Variants in OPRM1 observed in about 807,000 individuals in gnomAD.
OPRM1 encodes mu-type opioid receptor.
OPRM1 carries 27 observed loss-of-function variants against 31.8 expected under a neutral mutation model. That is an observed-to-expected ratio of 0.85 (90% CI 0.63 to 1.17). OPRM1 has a LOEUF of 1.17. OPRM1 is among the 50% of genes most tolerant of loss of function. OPRM1 has a pLI of 0.00. For missense variants in OPRM1, 536 were observed against 511.1 expected (o/e 1.05, Z -0.47); for synonymous variants, 196 against 189.9 (o/e 1.03, Z -0.26).
At chr6:154,048,090 G>A (rs114053273) in intron 1 of OPRM1, among the ~76,000 whole-genome samples, 3,046 of 152,230 alleles carry the variant, frequency 0.02, 107 homozygotes, top group African/African-American at 0.067. Context: ...CTGGGGAATA[G>A]GTTTTCAACA....
intron 1 of OPRM1, among the ~76,000 whole-genome samples, chr6:154,026,035 T>C (rs1355802497): frequency 6.6e-6 from 1 of 152,126 alleles, no homozygotes; most frequent in Non-Finnish European, 1.5e-5. Context: ...CACCAGTGAG[T>C]TTTGTACCTT....
At chr6:154,139,999 A>C (rs1798155551) in intron 3 of OPRM1, among the ~76,000 whole-genome samples, 1 of 152,210 alleles carries the variant, frequency 6.6e-6, no homozygotes, top group African/African-American at 2.4e-5. Context: ...TTGAGGAAGC[A>C]ACCATCCCAT....
At chr6:154,103,080 T>C (rs1583559084) in intron 3 of OPRM1, among the ~76,000 whole-genome samples, 1 of 152,260 alleles carries the variant, frequency 6.6e-6, no homozygotes, top group East Asian at 1.9e-4. Flanking sequence ...AAGATATTGT[T>C]AGAGAACCCC....
intron 3 of OPRM1, among the ~76,000 whole-genome samples, chr6:154,170,163 C>T (rs1799759241): frequency 1.3e-5 from 2 of 152,176 alleles, no homozygotes; most frequent in African/African-American, 4.8e-5. Flanking sequence ...TCACTAAGAA[C>T]GTTAGTCTAT....
At chr6:154,094,556 C>A (rs1463350774) in intron 3 of OPRM1, among the ~76,000 whole-genome samples, 1 of 152,162 alleles carries the variant, frequency 6.6e-6, no homozygotes, top group South Asian at 2.1e-4. Context: ...GCCCGATGGG[C>A]GGGTGGTCAG....
At chr6:154,053,047 C>A (rs778128304) in intron 1 of OPRM1, among the ~76,000 whole-genome samples, 1 of 152,162 alleles carries the variant, frequency 6.6e-6, no homozygotes, top group Non-Finnish European at 1.5e-5. Flanking sequence ...CATATCTAAC[C>A]CCCAACCCTT....
intron 3 of OPRM1, among the ~76,000 whole-genome samples, chr6:154,243,593 A>C (rs186614785): frequency 1.8e-3 from 280 of 152,308 alleles, no homozygotes; most frequent in African/African-American, 6.4e-3. Flanking sequence ...TGACAATGAG[A>C]TCACATGTAA....
At chr6:154,022,759 T>A (rs1778453090) in intron 1 of OPRM1, among the ~76,000 whole-genome samples, 1 of 152,248 alleles carries the variant, frequency 6.6e-6, no homozygotes, top group South Asian at 2.1e-4. Context: ...GTTTCATTCT[T>A]CTGCATATGG....
chr6:154,085,643 G>T (rs1790352764), intron 1 of OPRM1, among the ~76,000 whole-genome samples: 1 of 152,168 alleles, frequency 6.6e-6, no homozygotes, highest in Admixed American at 6.5e-5. Flanking sequence ...TCACAGCACA[G>T]TACAAAGCAG....
intron 3 of OPRM1, among the ~76,000 whole-genome samples, chr6:154,225,577 C>T (rs1280750328): frequency 6.6e-6 from 1 of 152,134 alleles, no homozygotes; most frequent in Non-Finnish European, 1.5e-5. Context: ...TTGGTAGCTA[C>T]CAGGGTCCCA....
At chr6:154,149,627 T>C (rs1270341651) in intron 3 of OPRM1, among the ~76,000 whole-genome samples, 4 of 145,354 alleles carry the variant, frequency 2.8e-5, no homozygotes, top group Non-Finnish European at 6.1e-5. Context: ...TGTGCGCGCG[T>C]GTGTGTGTAG....
intron 3 of OPRM1, among the ~76,000 whole-genome samples, chr6:154,137,578 A>G (rs930328962): frequency 6.6e-6 from 1 of 152,212 alleles, no homozygotes; most frequent in Non-Finnish European, 1.5e-5. Context: ...ATTTTAAGAG[A>G]TTCAAAAAGA....
chr6:154,182,812 G>A (rs537733206), intron 3 of OPRM1, among the ~76,000 whole-genome samples: 229 of 152,018 alleles, frequency 1.5e-3, no homozygotes, highest in Middle Eastern at 6.8e-3. Context: ...TCCATGATGG[G>A]GACAAGTGAA....
intron 3 of OPRM1, among the ~76,000 whole-genome samples, chr6:154,104,699 T>C (rs1795334904): frequency 6.6e-6 from 1 of 152,260 alleles, no homozygotes; most frequent in Non-Finnish European, 1.5e-5. Flanking sequence ...AAGGCTGATT[T>C]GCTTTATTAT....
chr6:154,212,908 A>G, intron 3 of OPRM1: 1 of 1,209,870 alleles, frequency 8.3e-7, no homozygotes, highest in Non-Finnish European at 1.2e-6. Context: ...CGCTTATTCC[A>G]TAATGCATGA....
intron 3 of OPRM1, among the ~76,000 whole-genome samples, chr6:154,099,466 AAGAAAAAG>A (rs1336835313): frequency 1.1e-3 from 168 of 150,664 alleles, no homozygotes; most frequent in South Asian, 7.0e-3. Context: ...GAAAGAAAGA[AAGAAAAAG>A]AAAGAAAGAA....
rs74704489 is a variant in OPRM1 at position 154,196,886 on chromosome 6, A to G, written c.1165-49807A>G. On this transcript the variant is annotated intron_variant, in intron 3 of 3. Transcript: ENST00000337049. ...AACACTACAGGAGAAAATGTCTAAC[A>G]GAGTATTTAAATTCAGCATAAAATC... Among the ~76,000 whole-genome samples the G allele has an allele frequency of 8.3e-3, 1,270 of 152,358 alleles. 17 individuals carry two copies. Among genetic ancestry groups the G allele is most frequent in the African/African-American group, 0.029 (1,199 of 41,568 alleles).
intron 3 of OPRM1, among the ~76,000 whole-genome samples, chr6:154,098,733 A>G (rs1325536037): frequency 6.6e-6 from 1 of 152,228 alleles, no homozygotes; most frequent in Non-Finnish European, 1.5e-5. Flanking sequence ...AAATATTTGT[A>G]AATTGCTAAA....
chr6:154,087,080 AT>A, intron 1 of OPRM1: 1 of 984,728 alleles, frequency 1.0e-6, no homozygotes, highest in Non-Finnish European at 1.2e-6. Flanking sequence ...AAATGGCTCT[AT>A]CTTTTTCTTT....
Sources: allele counts gnomAD v4.1 joint callset (sites outside exome capture counted in the v4.1 genomes callset), GRCh38; gene constraint gnomAD v4.1.1; transcripts MANE v1.5; gene names NCBI Gene and HGNC (gene_info 2026-07-23, HGNC 2026-07-21).